The following CFAP91 variants were observed in gnomAD, a reference collection of about 807,000 sequenced individuals.
The protein encoded by CFAP91 is cilia and flagella associated protein 91, also known as cilia- and flagella-associated protein 91.
A neutral mutation model predicts 95.9 loss-of-function variants in CFAP91; 85 were observed. That is an observed-to-expected ratio of 0.89 (90% CI 0.74 to 1.06). The LOEUF is 1.06. CFAP91 is among the 50% of genes least tolerant of loss of function. CFAP91 has a pLI of 0.00. For missense variants in CFAP91, 962 were observed against 943.4 expected, an observed-to-expected ratio of 1.02 and a Z score of -0.26; for synonymous variants, 335 against 327.5, an observed-to-expected ratio of 1.02 and a Z score of -0.25.
chr3:119,714,378 A>AG (rs1484768427), intron 5 of CFAP91, among the ~76,000 whole-genome samples: 32 of 125,374 alleles, frequency 2.6e-4, no homozygotes, highest in Non-Finnish European at 4.3e-4. Flanking sequence ...AAAAAAAAAA[A>AG]AAAAAAAGAA....
At chr3:119,747,969 G>A (rs2054257242) in intron 16 of CFAP91, 67 bp downstream of exon 16, 1 of 1,231,496 alleles carries the variant, frequency 8.1e-7, no homozygotes, top group African/African-American at 1.5e-5. Context: ...ATATCCCAGA[G>A]ATTTAAAATT....
Position 119,740,659 on chromosome 3 carries a change from G to A in CFAP91, c.1644G>A (p.Leu548=), listed in dbSNP as rs1412269950. 1.2e-6 allele frequency: 2 copies of A among 1,614,118 alleles called. No homozygotes were observed. Among genetic ancestry groups the A allele is most frequent in the East Asian group, 2.2e-5 (1 of 44,884 alleles). The change falls in exon 13 of 18, where the codon CTG becomes CTA. Residue 548 remains leucine (L), a synonymous_variant. Transcript: ENST00000273390. ...AAAAAGCCGAGAAGCAAGTGACCCTGGCCTTACAGCGGCAGAGGAACTTGC... is the reference window on the plus strand; with the variant it reads ...AAAAAGCCGAGAAGCAAGTGACCCTAGCCTTACAGCGGCAGAGGAACTTGC... ...LVKKAEKQVT[L]ALQRQRNLHE...
At chr3:119,730,704 G>A (rs2053880686) in intron 8 of CFAP91, among the ~76,000 whole-genome samples, 1 of 151,008 alleles carries the variant, frequency 6.6e-6, no homozygotes, top group Admixed American at 6.6e-5. Flanking sequence ...TGGATAAAGA[G>A]CCCTGTTTCT....
chr3:119,741,255 T>C (rs1309799636), intron 13 of CFAP91, among the ~76,000 whole-genome samples: 1 of 152,216 alleles, frequency 6.6e-6, no homozygotes, highest in African/African-American at 2.4e-5. Flanking sequence ...TTTTCAACTT[T>C]AAGATTTTTT....
chr3:119,734,271 T>C (rs2053958645), intron 10 of CFAP91, among the ~76,000 whole-genome samples: 1 of 152,202 alleles, frequency 6.6e-6, no homozygotes, highest in African/African-American at 2.4e-5. Flanking sequence ...GTTCAGTTGA[T>C]TTTAGTAGTT....
Position 119,747,187 on chromosome 3 carries a change from G to A in CFAP91, c.1975G>A (p.Ala659Thr). Residue 659 changes from alanine (A) to threonine (T), a missense_variant, in exon 15 of 18, where the codon GCA becomes ACA. Ala to Thr is a moderately conservative substitution (Grantham distance 58, BLOSUM62 0). Coordinates refer to ENST00000273390, the MANE Select transcript of CFAP91 (RefSeq NM_033364.4). ...AATACTGAATACCGAAGCGAATACT[G>A]CAGAAGAACAAGCCAGGGCAGAAAT... ...DIILNTEANT[A>T]EEQARAEIEK... 6.2e-7 allele frequency: 1 copy of A among 1,613,886 alleles called. No individual in the cohort carries two copies. Among genetic ancestry groups the A allele is most frequent in the Admixed American group, 1.7e-5 (1 of 60,008 alleles).
At chr3:119,715,793 A>G in intron 6 of CFAP91, 50 bp downstream of exon 6, 1 of 1,540,436 alleles carries the variant, frequency 6.5e-7, no homozygotes, top group Non-Finnish European at 9.0e-7. Flanking sequence ...GCTGATAACC[A>G]CGCATGCTGT....
At chr3:119,724,440 G>T (rs1422542394) in intron 6 of CFAP91, among the ~76,000 whole-genome samples, 1 of 151,968 alleles carries the variant, frequency 6.6e-6, no homozygotes, top group East Asian at 1.9e-4. Context: ...CAGTTGTTAA[G>T]TCTGCATATT....
intron 12 of CFAP91, among the ~76,000 whole-genome samples, chr3:119,740,314 T>A (rs2054090733): frequency 6.6e-6 from 1 of 152,220 alleles, no homozygotes; most frequent in African/African-American, 2.4e-5. Context: ...AGAGGCATTC[T>A]CAGAAATTAA....
chr3:119,732,393 G>A lies in CFAP91; in HGVS notation c.1118G>A (p.Gly373Glu). The change falls in exon 9 of 18, where the codon GGA (glycine) becomes GAA (glutamate). Residue 373 changes from glycine to glutamate, a missense_variant. Physicochemically the swap from Gly to Glu is moderately conservative, Grantham distance 98 (BLOSUM62 -2). Transcript: ENST00000273390. ...TCTGATTATGCATCACAGGTCTATG[G>A]ACCTCTGTCTCGTCTTGGGTGTTTC... is the stretch of plus-strand genomic sequence containing the variant. ...DYSDYASQVY[G>E]PLSRLGCFPD... 7.4e-6 allele frequency: 12 copies of A among 1,613,454 alleles called. No homozygotes were observed. Among genetic ancestry groups the A allele is most frequent in the Non-Finnish European group, 1.0e-5 (12 of 1,179,602 alleles).
intron 15 of CFAP91, 151 bp downstream of exon 15, chr3:119,747,414 G>A (rs1300418145): frequency 1.2e-6 from 1 of 802,370 alleles, no homozygotes; most frequent in African/African-American, 1.7e-5. Context: ...CTCTTGAGAA[G>A]CCAATATGTG....
rs375333995 is a variant in CFAP91, at chr3:119,740,701, C to T, written c.1680+6C>T. On this transcript the variant is annotated splice_donor_region_variant and intron_variant, in intron 13 of 17. Transcript: ENST00000273390. ...GGAACTTGCATGAGCACAAGGTTTT[C>T]CTTTTTTTGTTTTCTTGTTACTTTC... The T allele has an allele frequency of 6.2e-7, 1 of 1,612,400 alleles. No homozygotes were observed.
At position 119,730,215 on chromosome 3, in the gene CFAP91, TG is replaced by T. The variant is rs776943512; in HGVS notation, c.861-4del. 6.2e-7 allele frequency: 1 copy of T among 1,611,178 alleles called. No individual in the cohort carries two copies. Among genetic ancestry groups the T allele is most frequent in the East Asian group, 2.2e-5 (1 of 44,760 alleles). ...GCTTCTTTATGTTTTGTAATTTACT[TG>T]AAGACTGCAGGAGATTCGCCTGGAA... On this transcript the variant is annotated splice_polypyrimidine_tract_variant and splice_region_variant and intron_variant, in intron 7 of 17. Transcript: ENST00000273390.
intron 8 of CFAP91, among the ~76,000 whole-genome samples, chr3:119,731,794 C>T (rs1048858335): frequency 3.3e-5 from 5 of 152,210 alleles, no homozygotes; most frequent in African/African-American, 1.2e-4. Context: ...TCCTGATGTG[C>T]ACAGTTGAGC....
chr3:119,703,381 G>C (rs1387976449), intron 1 of CFAP91, 159 bp downstream of exon 1: 1 of 1,149,750 alleles, frequency 8.7e-7, no homozygotes, highest in African/African-American at 1.5e-5. Flanking sequence ...GCAGCTCCGA[G>C]CCCTCCAGGT....
chr3:119,723,804 A>G (rs908721535), intron 6 of CFAP91, among the ~76,000 whole-genome samples: 2 of 152,190 alleles, frequency 1.3e-5, no homozygotes, highest in Non-Finnish European at 2.9e-5. Context: ...AGGCGTAATT[A>G]TGTTTATGTG....
At chr3:119,731,757 C>T (rs1409097777) in intron 8 of CFAP91, among the ~76,000 whole-genome samples, 2 of 152,166 alleles carry the variant, frequency 1.3e-5, no homozygotes, top group Non-Finnish European at 2.9e-5. Context: ...CAGGAGGTGG[C>T]GAGCATGACT....
chr3:119,744,266 A>G, intron 14 of CFAP91, 70 bp downstream of exon 14: 2 of 1,260,932 alleles, frequency 1.6e-6, no homozygotes, highest in South Asian at 1.4e-5. Context: ...GAAGCTCATG[A>G]CATAAAATGG....
chr3:119,756,846 A>G (rs1376843201), intron 17 of CFAP91, among the ~76,000 whole-genome samples: 2 of 152,198 alleles, frequency 1.3e-5, no homozygotes, highest in Non-Finnish European at 2.9e-5. Context: ...AAGGAGAAAA[A>G]AGGAAACAGA....
Sources: gnomAD v4.1 joint callset for allele counts (sites outside exome capture counted in the v4.1 genomes callset) on GRCh38, gnomAD v4.1.1 for gene constraint, MANE v1.5 for transcripts, NCBI Gene and HGNC (gene_info 2026-07-23, HGNC 2026-07-21) for gene names.